Variants in ACAP2 observed in about 807,000 individuals in gnomAD.
ACAP2 encodes the protein ArfGAP with coiled-coil, ankyrin repeat and PH domains 2.
In ACAP2, 39 loss-of-function variants were observed where a neutral mutation model predicts 115.8. The ratio of observed to expected loss-of-function variants is 0.34; its 90% CI spans 0.26 to 0.44. The LOEUF (loss-of-function observed/expected upper bound fraction) is 0.44, where lower values mean the gene tolerates loss of function less well. ACAP2 is among the 20% of genes least tolerant of loss of function. ACAP2 has a pLI of 1.00. For synonymous variants in ACAP2, 289 were observed against 315.8 expected, an observed-to-expected ratio of 0.92 and a Z score of 0.90; for missense variants, 662 against 927.6, an observed-to-expected ratio of 0.71 and a Z score of 3.72.
chr3:195,439,283 T>G (rs1490085063), intron 1 of ACAP2, among the ~76,000 whole-genome samples: 1 of 148,732 alleles, frequency 6.7e-6, no homozygotes, highest in African/African-American at 2.5e-5. Context: ...ACTGCAGCCT[T>G]GACCTCCTGC....
intron 1 of ACAP2, among the ~76,000 whole-genome samples, chr3:195,424,499 A>G (rs1284454602): frequency 6.6e-6 from 1 of 151,048 alleles, no homozygotes; most frequent in Non-Finnish European, 1.5e-5. Context: ...GGGTTTCACC[A>G]TGTTGGCCAG....
Position 195,297,300 on chromosome 3 carries a change from T to C in ACAP2, c.1396-19A>G, listed in dbSNP as rs766198205. The C allele has an allele frequency of 1.9e-6, 3 of 1,589,554 alleles. No homozygotes were observed. Among genetic ancestry groups the C allele is most frequent in the East Asian group, 2.2e-5 (1 of 44,618 alleles). ...ACATAAGCTGTTTGGCAAAAAAAAA[T>C]AGAAAAATAAGCTATACATTAAAGA... On this transcript the variant is annotated intron_variant, in intron 15 of 22. Transcript: ENST00000326793.
In ACAP2 at chr3:195,308,824, T is replaced by C. The variant is rs1728576493; in HGVS notation, c.871A>G (p.Ile291Val). 6.2e-7 allele frequency: 1 copy of C among 1,609,616 alleles called. No individual in the cohort carries two copies. The highest frequency in any genetic ancestry group is 8.5e-7 in the Non-Finnish European group (1 of 1,178,798). ...TGGTAAACCAACTGATTATTCTGTA[T>C]TGAAAACCAGCGCCTACAGAAACAC... ...FKTWNRRWFS[I>V]QNNQLVYQKK... Residue 291 changes from isoleucine (I) to valine (V), a missense_variant, in exon 11 of 23, where the codon ATA (isoleucine) becomes GTA (valine). This residue lies in a region of ACAP2 where 401 missense variants were observed against 604.4 expected (regional missense o/e 0.66). Transcript: ENST00000326793.
chr3:195,306,729 A>G (rs1728445320), intron 12 of ACAP2, 113 bp from the exon 13 acceptor site: 1 of 734,740 alleles, frequency 1.4e-6, no homozygotes, highest in South Asian at 2.0e-5. Context: ...CCAAAAATAT[A>G]TATAATTTGT....
chr3:195,355,547 C>A (rs1301418179), intron 4 of ACAP2, among the ~76,000 whole-genome samples: 1 of 152,068 alleles, frequency 6.6e-6, no homozygotes, highest in African/African-American at 2.4e-5. Context: ...TACAAATAAT[C>A]AAAAATGTCA....
intron 22 of ACAP2, 47 bp downstream of exon 22, chr3:195,285,749 G>T: frequency 7.1e-7 from 1 of 1,411,072 alleles, no homozygotes; most frequent in Non-Finnish European, 9.9e-7. Flanking sequence ...ATTCCTGAAT[G>T]CATTTCTTAT....
intron 1 of ACAP2, among the ~76,000 whole-genome samples, chr3:195,401,835 G>A (rs1223495688): frequency 7.2e-5 from 11 of 152,094 alleles, no homozygotes; most frequent in East Asian, 5.8e-4. Context: ...TTAAAAAACC[G>A]TTTTACACAG....
intron 1 of ACAP2, among the ~76,000 whole-genome samples, chr3:195,414,807 C>A (rs1713580243): frequency 6.6e-6 from 1 of 151,998 alleles, no homozygotes; most frequent in African/African-American, 2.4e-5. Flanking sequence ...AATCTGAAAC[C>A]CAAAACACCT....
In ACAP2 at chr3:195,308,791, A is replaced by AT; in HGVS notation, c.903dup (p.Phe302IlefsTer2). 6.2e-7 allele frequency: 1 copy of AT among 1,609,408 alleles called. No homozygotes were observed. Among genetic ancestry groups the AT allele is most frequent in the Non-Finnish European group, 8.5e-7 (1 of 1,178,630 alleles). ...TTTCATTTATTAACACCTACCTTAA[A>AT]TTTTTTCTGGTAAACCAACTGATTA... On this transcript the variant is annotated frameshift_variant, in exon 11 of 23. Transcript: ENST00000326793. LOFTEE classifies it high-confidence loss of function.
At chr3:195,313,136 T>C (rs943159061) in intron 10 of ACAP2, among the ~76,000 whole-genome samples, 11 of 152,244 alleles carry the variant, frequency 7.2e-5, no homozygotes, top group Non-Finnish European at 1.5e-4. Flanking sequence ...AAAGTATCTG[T>C]TGCATTTTAT....
intron 1 of ACAP2, among the ~76,000 whole-genome samples, chr3:195,413,608 G>A (rs1291513498): frequency 1.3e-5 from 2 of 151,992 alleles, no homozygotes; most frequent in Admixed American, 6.6e-5. Context: ...AAATTAGGCG[G>A]GTGTGGTGGT....
chr3:195,440,407 T>C (rs191124501), intron 1 of ACAP2, among the ~76,000 whole-genome samples: 18 of 152,332 alleles, frequency 1.2e-4, no homozygotes, highest in Admixed American at 9.8e-4. Flanking sequence ...TGAACAGTGG[T>C]GAAATTTTCA....
intron 16 of ACAP2, 121 bp downstream of exon 16, chr3:195,297,069 G>A (rs760610509): frequency 1.0e-5 from 8 of 780,892 alleles, no homozygotes; most frequent in East Asian, 2.5e-5. Context: ...GCCAACATTC[G>A]AACAGAAGTG....
At chr3:195,436,853 G>A (rs1416796528) in intron 1 of ACAP2, among the ~76,000 whole-genome samples, 2 of 151,992 alleles carry the variant, frequency 1.3e-5, no homozygotes, top group Non-Finnish European at 2.9e-5. Flanking sequence ...TCATTAGGAA[G>A]AAAATAAAAT....
chr3:195,314,133 G>A (rs1337604114), intron 10 of ACAP2, among the ~76,000 whole-genome samples: 2 of 150,518 alleles, frequency 1.3e-5, no homozygotes, highest in Admixed American at 6.6e-5. Context: ...ACAAAGTGAG[G>A]TTTTATTAAA....
At chr3:195,327,591 C>T (rs1177716072) in intron 8 of ACAP2, among the ~76,000 whole-genome samples, 1 of 151,990 alleles carries the variant, frequency 6.6e-6, no homozygotes, top group African/African-American at 2.4e-5. Context: ...GGTAGGAAAT[C>T]GGCAATTCTT....
chr3:195,392,521 G>A (rs371923774), intron 1 of ACAP2, among the ~76,000 whole-genome samples: 6 of 152,202 alleles, frequency 3.9e-5, no homozygotes, highest in Admixed American at 6.5e-5. Flanking sequence ...ACTGCAAGGC[G>A]TTGTTGGCAA....
rs185527777 is a variant in ACAP2 at position 195,281,367 on chromosome 3, T to C, written c.2237-1939A>G. 8.0e-4 allele frequency among the ~76,000 whole-genome samples: 121 copies of C among 151,862 alleles called. 1 individual carries two copies. In the East Asian group the frequency reaches 0.022, roughly 28 times the overall value. ...TTGCAGTGAGCCAAGATCGCGCCACTGCACTCCAGCCTGGGCAACAGAGCG... is the reference window on the plus strand; with the variant it reads ...TTGCAGTGAGCCAAGATCGCGCCACCGCACTCCAGCCTGGGCAACAGAGCG... On this transcript the variant is annotated intron_variant, in intron 22 of 22. Transcript: ENST00000326793.
intron 1 of ACAP2, among the ~76,000 whole-genome samples, chr3:195,435,628 G>A (rs1459619716): frequency 1.3e-5 from 2 of 152,090 alleles, no homozygotes; most frequent in African/African-American, 4.8e-5. Flanking sequence ...ACTTAGAAGT[G>A]TACTGCTAAT....
Sources: allele counts gnomAD v4.1 joint callset (sites outside exome capture counted in the v4.1 genomes callset), GRCh38; gene constraint gnomAD v4.1.1; regional missense constraint gnomAD v4.1.1; transcripts MANE v1.5; gene names NCBI Gene and HGNC (gene_info 2026-07-23, HGNC 2026-07-21).